ADAMTSL1: variants seen among roughly 807,000 people sequenced by gnomAD.
ADAMTSL1 encodes ADAMTS-like protein 1.
In ADAMTSL1, 126 loss-of-function variants were observed where a neutral mutation model predicts 201.8. The ratio of observed to expected loss-of-function variants is 0.62; its 90% confidence interval spans 0.54 to 0.72. The LOEUF is 0.72. Among genes scored for constraint, ADAMTSL1 ranks in the 30% least tolerant of loss-of-function variants. The pLI is 0.00. For synonymous variants in ADAMTSL1, 1,121 were observed against 903.4 expected, an observed-to-expected ratio of 1.24 and a Z score of -4.32; for missense variants, 2,679 against 2,277.8, an observed-to-expected ratio of 1.18 and a Z score of -3.59.
intron 5 of ADAMTSL1, among the ~76,000 whole-genome samples, chr9:18,635,393 G>A (rs1827048796): frequency 6.6e-6 from 1 of 152,052 alleles, no homozygotes; most frequent in Non-Finnish European, 1.5e-5. Flanking sequence ...GAAATGTTAA[G>A]AAACACTTAT....
chr9:18,740,347 A>AGTC (rs1818748449), intron 15 of ADAMTSL1, among the ~76,000 whole-genome samples: 1 of 151,814 alleles, frequency 6.6e-6, no homozygotes, highest in Non-Finnish European at 1.5e-5. Context: ...ACTGCTTCCC[A>AGTC]GTCTCCCCCA....
intron 2 of ADAMTSL1, among the ~76,000 whole-genome samples, chr9:18,302,400 C>CA (rs1010273617): frequency 1.5e-4 from 23 of 151,602 alleles, no homozygotes; most frequent in South Asian, 1.5e-3. Flanking sequence ...TATGCTGGGG[C>CA]AAAAAAAAGT....
intron 9 of ADAMTSL1, among the ~76,000 whole-genome samples, chr9:18,674,385 T>C (rs2133117948): frequency 6.6e-6 from 1 of 152,304 alleles, no homozygotes. Context: ...TTCCTATTTT[T>C]TAAATAACAA....
chr9:18,601,286 C>G (rs1168019646), intron 4 of ADAMTSL1, among the ~76,000 whole-genome samples: 1 of 152,128 alleles, frequency 6.6e-6, no homozygotes, highest in Non-Finnish European at 1.5e-5. Flanking sequence ...ACAAGAACAT[C>G]AACTATGTAT....
At chr9:18,718,664 C>T (rs1019015268) in intron 14 of ADAMTSL1, 2 of 351,190 alleles carry the variant, frequency 5.7e-6, no homozygotes, top group Non-Finnish European at 1.1e-5. Flanking sequence ...GGTTTACACA[C>T]CTGACTCTGG....
chr9:18,481,997 G>T lies in ADAMTSL1; in HGVS notation c.63+7702G>T, dbSNP rs190775260. Among the ~76,000 whole-genome samples, 9 of 152,158 alleles carry T rather than the reference G, an allele frequency of 5.9e-5. No individual in the cohort carries two copies. In the South Asian group the frequency reaches 1.2e-3, roughly 21 times the overall value. ...TTTCTTGGCAACAACCAAAATCCAC[G>T]CAAAAAACAAATAGATTCCATTTGG... On this transcript the variant is annotated intron_variant, in intron 1 of 28. Transcript: ENST00000380548.
chr9:18,307,952 A>C (rs1833973265), intron 2 of ADAMTSL1, among the ~76,000 whole-genome samples: 1 of 152,178 alleles, frequency 6.6e-6, no homozygotes, highest in Non-Finnish European at 1.5e-5. Context: ...GAAGTAAAAC[A>C]GTCCTCAGCA....
In ADAMTSL1 at chr9:18,910,612, C is replaced by T. The variant is rs1336469404; in HGVS notation, c.*2064C>T. 6.6e-6 allele frequency: 1 copy of T among 152,202 alleles called. No individual in the cohort carries two copies. The highest frequency in any genetic ancestry group is 1.9e-4 in the East Asian group (1 of 5,198). The allele number at this position is 152,202 out of a possible 1,614,324, so 9.4% of individuals were successfully genotyped here. A position where few individuals can be genotyped will look rare whatever the true frequency, so the allele number is the denominator to read the frequency against. On this transcript the variant is annotated 3_prime_UTR_variant, in exon 29 of 29. Coordinates refer to ENST00000380548, the MANE Select transcript of ADAMTSL1 (RefSeq NM_001040272.6). Reference sequence around the variant, plus strand: ...ATGATAAAGACAGACAAATTCCATACTACTACTAATGTGGTTAATTATTTC... The same window carrying T: ...ATGATAAAGACAGACAAATTCCATATTACTACTAATGTGGTTAATTATTTC...
intron 1 of ADAMTSL1, among the ~76,000 whole-genome samples, chr9:18,005,677 C>G (rs1164818448): frequency 6.6e-6 from 1 of 152,052 alleles, no homozygotes; most frequent in East Asian, 1.9e-4. Context: ...AGCATCACAT[C>G]TGGTAGACAG....
chr9:18,055,188 T>C (rs1163298900), intron 1 of ADAMTSL1, among the ~76,000 whole-genome samples: 8 of 152,214 alleles, frequency 5.3e-5, no homozygotes, highest in Non-Finnish European at 1.0e-4. Context: ...GTAGTAACAG[T>C]GCTCTTTTTT....
chr9:17,943,487 G>T (rs1477311196), intron 1 of ADAMTSL1, among the ~76,000 whole-genome samples: 1 of 152,108 alleles, frequency 6.6e-6, no homozygotes, highest in Non-Finnish European at 1.5e-5. Flanking sequence ...CGAACCTTGT[G>T]GGTGGGGGTA....
intron 1 of ADAMTSL1, among the ~76,000 whole-genome samples, chr9:18,087,719 T>C (rs1294579024): frequency 6.6e-6 from 1 of 152,192 alleles, no homozygotes; most frequent in Non-Finnish European, 1.5e-5. Context: ...TAATATTTTA[T>C]GATTTTTCTG....
At chr9:18,152,462 G>A (rs572858516) in intron 1 of ADAMTSL1, among the ~76,000 whole-genome samples, 1 of 152,112 alleles carries the variant, frequency 6.6e-6, no homozygotes, top group East Asian at 1.9e-4. Flanking sequence ...GACTCACTGA[G>A]AGCTTAAAAG....
At chr9:18,890,045 T>C (rs1161324588) in intron 25 of ADAMTSL1, among the ~76,000 whole-genome samples, 1 of 152,094 alleles carries the variant, frequency 6.6e-6, no homozygotes, top group Non-Finnish European at 1.5e-5. Flanking sequence ...TGGCAAGCCA[T>C]AGACGCCCCC....
chr9:18,385,805 C>T (rs1251882039), intron 2 of ADAMTSL1, among the ~76,000 whole-genome samples: 1 of 152,178 alleles, frequency 6.6e-6, no homozygotes, highest in Non-Finnish European at 1.5e-5. Flanking sequence ...TCACTTCATG[C>T]TTGTCACATT....
intron 23 of ADAMTSL1, among the ~76,000 whole-genome samples, chr9:18,861,179 T>C (rs571770373): frequency 2.6e-5 from 4 of 152,306 alleles, no homozygotes; most frequent in South Asian, 2.1e-4. Flanking sequence ...ACAGAGATCA[T>C]ATACACATCC....
chr9:18,171,930 A>G (rs1246515897), intron 2 of ADAMTSL1, among the ~76,000 whole-genome samples: 1 of 152,108 alleles, frequency 6.6e-6, no homozygotes, highest in African/African-American at 2.4e-5. Flanking sequence ...CATTTATTAA[A>G]TAGGGAATCC....
In ADAMTSL1 at chr9:18,777,309, G is replaced by T; in HGVS notation, c.3080G>T (p.Arg1027Leu). 1.9e-6 allele frequency: 3 copies of T among 1,603,152 alleles called. No individual in the cohort carries two copies. Among genetic ancestry groups the T allele is most frequent in the Non-Finnish European group, 1.7e-6 (2 of 1,175,038 alleles). The change falls in exon 19 of 29, where the codon CGG becomes CTG. Residue 1027 changes from arginine (R) to leucine (L), a missense_variant. By Grantham distance (102) the Arg-to-Leu change is moderately radical. Coordinates refer to ENST00000380548, the MANE Select transcript of ADAMTSL1 (RefSeq NM_001040272.6). ...PGSRYDDLVS[R>L]LLEQGGWPGE... ...AGCCGCTACGACGACCTCGTCTCCC[G>T]GCTGCTGGAGCAGGGCGGCTGGCCC...
intron 2 of ADAMTSL1, among the ~76,000 whole-genome samples, chr9:18,197,112 G>C (rs1400268825): frequency 6.6e-6 from 1 of 152,138 alleles, no homozygotes; most frequent in Non-Finnish European, 1.5e-5. Context: ...GATTGTGACT[G>C]TCTTATTCAG....
Sources: gnomAD v4.1 joint callset for allele counts (sites outside exome capture counted in the v4.1 genomes callset) on GRCh38, gnomAD v4.1.1 for gene constraint, MANE v1.5 for transcripts, NCBI Gene and HGNC (gene_info 2026-07-23, HGNC 2026-07-21) for gene names.